CERS3: variants seen among roughly 807,000 people sequenced by gnomAD.
CERS3 encodes the protein LAG1 homolog, ceramide synthase 3.
A neutral mutation model predicts 50.3 loss-of-function variants in CERS3; 33 were observed. The ratio of observed to expected loss-of-function variants is 0.66; its 90% CI spans 0.50 to 0.88. The LOEUF is 0.88. CERS3 is among the 40% of genes least tolerant of loss of function. The pLI, the probability that CERS3 is intolerant of heterozygous loss-of-function variation, is 0.00. For synonymous variants in CERS3, 176 were observed against 155.2 expected (o/e 1.13, Z -0.99); for missense variants, 470 against 460.3 (o/e 1.02, Z -0.19).
Position 100,473,021 on chromosome 15 carries a change from G to C in CERS3, c.641C>G (p.Ala214Gly). Residue 214 changes from alanine (A) to glycine (G), a missense_variant, in exon 9 of 12, where the codon GCT (alanine) becomes GGT (glycine). Coordinates refer to ENST00000679737, the MANE Select transcript of CERS3 (RefSeq NM_001378789.1). Reference protein sequence around the residue: ...DFLAHIIHHLAAISLMSFSWC... With the variant: ...DFLAHIIHHLGAISLMSFSWC... ...AGAGAAGCTCATCAGACTAATAGCAGCCAGGTGGTGGATGATATGAGCTAG... is the reference window on the plus strand; with the variant it reads ...AGAGAAGCTCATCAGACTAATAGCACCCAGGTGGTGGATGATATGAGCTAG... 1 of 1,613,764 alleles carries C rather than the reference G, an allele frequency of 6.2e-7. No homozygotes were observed. Among genetic ancestry groups the C allele is most frequent in the South Asian group, 1.1e-5 (1 of 91,072 alleles).
chr15:100,442,163 T>A (rs1381773210), intron 11 of CERS3, among the ~76,000 whole-genome samples: 1 of 152,166 alleles, frequency 6.6e-6, no homozygotes, highest in African/African-American at 2.4e-5. Context: ...TCAGATAGTG[T>A]TTAGGCTCTT....
chr15:100,518,125 C>A (rs1433541720), intron 2 of CERS3, among the ~76,000 whole-genome samples: 1 of 152,162 alleles, frequency 6.6e-6, no homozygotes, highest in African/African-American at 2.4e-5. Context: ...TGGAAAAAGG[C>A]TAGTCTTTTC....
intron 3 of CERS3, 50 bp downstream of exon 3, chr15:100,501,627 T>C (rs778623256): frequency 1.1e-5 from 16 of 1,464,710 alleles, no homozygotes; most frequent in South Asian, 3.5e-5. Flanking sequence ...ATTATTCTAG[T>C]GTTAGAGCAA....
intron 10 of CERS3, among the ~76,000 whole-genome samples, chr15:100,459,282 G>GT (rs1164970300): frequency 6.6e-6 from 1 of 152,048 alleles, no homozygotes; most frequent in Non-Finnish European, 1.5e-5. Context: ...AAAGAATACT[G>GT]TGAGAATTAC....
intron 3 of CERS3, among the ~76,000 whole-genome samples, chr15:100,492,197 T>C (rs2035673977): frequency 2.6e-5 from 4 of 152,250 alleles, no homozygotes; most frequent in Admixed American, 2.6e-4. Context: ...GAGTGTTCTA[T>C]AGATGTTTGT....
intron 11 of CERS3, among the ~76,000 whole-genome samples, chr15:100,430,800 A>G (rs1024816132): frequency 1.3e-5 from 2 of 152,236 alleles, no homozygotes; most frequent in Non-Finnish European, 2.9e-5. Flanking sequence ...ATCCAAGTTG[A>G]CAAGGTCACA....
At chr15:100,527,958 G>T (rs112536212) in intron 1 of CERS3, among the ~76,000 whole-genome samples, 6 of 152,152 alleles carry the variant, frequency 3.9e-5, no homozygotes, top group Admixed American at 3.9e-4. Context: ...AGGCTTGTAG[G>T]GGGGAAGGCA....
intron 11 of CERS3, among the ~76,000 whole-genome samples, chr15:100,442,793 T>TA (rs559973829): frequency 2.3e-3 from 350 of 152,138 alleles, no homozygotes; most frequent in South Asian, 6.9e-3. Context: ...GGAAGCCCCC[T>TA]AGACCATCAC....
At chr15:100,498,176 G>A (rs2035889202) in intron 3 of CERS3, among the ~76,000 whole-genome samples, 1 of 152,126 alleles carries the variant, frequency 6.6e-6, no homozygotes, top group African/African-American at 2.4e-5. Context: ...TTACAGGCAT[G>A]AGCCACCGCG....
At chr15:100,531,254 A>C (rs1339753591), upstream of CERS3, among the ~76,000 whole-genome samples, 1 of 152,264 alleles carries the variant, frequency 6.6e-6, no homozygotes, top group Non-Finnish European at 1.5e-5. Flanking sequence ...GTTAATCAAA[A>C]GAACCCCGTC....
At chr15:100,468,258 T>A (rs1167126349) in intron 10 of CERS3, among the ~76,000 whole-genome samples, 2 of 152,180 alleles carry the variant, frequency 1.3e-5, no homozygotes, top group Non-Finnish European at 2.9e-5. Flanking sequence ...ATGCCAACCC[T>A]TATTTCCATT....
At chr15:100,504,607 T>C (rs1460988794) in intron 2 of CERS3, among the ~76,000 whole-genome samples, 2 of 152,112 alleles carry the variant, frequency 1.3e-5, no homozygotes, top group Admixed American at 6.5e-5. Flanking sequence ...ATTTATACCA[T>C]TGCGAAGTTG....
At chr15:100,494,414 A>AT (rs918556476) in intron 3 of CERS3, among the ~76,000 whole-genome samples, 3 of 150,694 alleles carry the variant, frequency 2.0e-5, no homozygotes, top group Non-Finnish European at 4.4e-5. Context: ...CGCCCAGCTA[A>AT]TTTTTTTTAT....
chr15:100,524,912 A>G (rs571604149), intron 1 of CERS3, among the ~76,000 whole-genome samples: 1 of 152,354 alleles, frequency 6.6e-6, no homozygotes, highest in South Asian at 2.1e-4. Context: ...ACCTTATCCC[A>G]GCAGAGAATT....
intron 7 of CERS3, among the ~76,000 whole-genome samples, chr15:100,477,033 C>T (rs150117986): frequency 3.5e-4 from 53 of 152,306 alleles, no homozygotes; most frequent in African/African-American, 1.1e-3. Context: ...ATTCCCTAGC[C>T]GGCCTCCCAA....
intron 2 of CERS3, among the ~76,000 whole-genome samples, chr15:100,509,855 T>G (rs561021354): frequency 4.8e-4 from 73 of 152,202 alleles, no homozygotes; most frequent in Non-Finnish European, 7.2e-4. Context: ...TTTTGAACAC[T>G]CAAAGAGTGA....
intron 7 of CERS3, among the ~76,000 whole-genome samples, chr15:100,476,991 T>A (rs1427557881): frequency 6.6e-6 from 1 of 152,188 alleles, no homozygotes; most frequent in Non-Finnish European, 1.5e-5. Context: ...TGATCGCCAA[T>A]GCTATGAATG....
At chr15:100,415,107 G>T (rs980352549) in intron 11 of CERS3, among the ~76,000 whole-genome samples, 53 of 151,982 alleles carry the variant, frequency 3.5e-4, no homozygotes, top group African/African-American at 1.2e-3. Flanking sequence ...CAAAAAGTGG[G>T]TAAAGGATAT....
intron 1 of CERS3, chr15:100,544,498 T>TGCGC (rs2037307275): frequency 6.7e-6 from 1 of 148,692 alleles, no homozygotes; most frequent in Admixed American, 6.7e-5. Context: ...GGCCTCGACC[T>TGCGC]GGGCCTGCGC....
Sources: allele counts gnomAD v4.1 joint callset (sites outside exome capture counted in the v4.1 genomes callset), GRCh38; gene constraint gnomAD v4.1.1; transcripts MANE v1.5; gene names NCBI Gene and HGNC (gene_info 2026-07-23, HGNC 2026-07-21).